Variants in ALDH5A1 observed in about 807,000 individuals in gnomAD.
ALDH5A1 encodes succinate-semialdehyde dehydrogenase, mitochondrial.
In ALDH5A1, 33 loss-of-function variants were observed where a neutral mutation model predicts 54.7. The observed-to-expected ratio is 0.60, with a 90% CI of 0.46 to 0.81. ALDH5A1 has a LOEUF of 0.81. Ranked by LOEUF, ALDH5A1 falls within the 30% of genes least tolerant of loss-of-function variation. The pLI is 0.00. For missense variants in ALDH5A1, 657 were observed against 711.0 expected, an observed-to-expected ratio of 0.92 and a Z score of 0.86; for synonymous variants, 294 against 292.7, an observed-to-expected ratio of 1.00 and a Z score of -0.05.
At position 24,533,617 on chromosome 6, in the gene ALDH5A1, G is replaced by T; in HGVS notation, c.1513G>T (p.Gly505Cys). ...GLISSVECPF[G>C]GVKQSGLGRE... Reference sequence around the variant, plus strand: ...AATTTCCTCTGTGGAGTGCCCTTTTGGTGGAGTGAAGCAGTCCGGCCTTGG... The same window carrying T: ...AATTTCCTCTGTGGAGTGCCCTTTTTGTGGAGTGAAGCAGTCCGGCCTTGG... Residue 505 changes from glycine to cysteine, a missense_variant, in exon 10 of 10, where the codon GGT becomes TGT. Transcript: ENST00000357578. The T allele has an allele frequency of 6.2e-7, 1 of 1,614,104 alleles. No individual in the cohort carries two copies. Among genetic ancestry groups the T allele is most frequent in the African/African-American group, 1.3e-5 (1 of 75,022 alleles).
intron 5 of ALDH5A1, among the ~76,000 whole-genome samples, chr6:24,516,254 G>A (rs1270136602): frequency 6.6e-6 from 1 of 151,646 alleles, no homozygotes; most frequent in Non-Finnish European, 1.5e-5. Context: ...GGCTAACACG[G>A]TGAAACCCCA....
At chr6:24,527,874 TTTA>T (rs1433287663) in intron 7 of ALDH5A1, 120 bp from the exon 8 acceptor site, 3 of 1,108,124 alleles carry the variant, frequency 2.7e-6, no homozygotes, top group Non-Finnish European at 4.0e-6. Context: ...ACCAGCATGC[TTTA>T]TTGTTAACCT....
intron 8 of ALDH5A1, among the ~76,000 whole-genome samples, chr6:24,529,932 A>T (rs1759896953): frequency 6.6e-6 from 1 of 152,108 alleles, no homozygotes; most frequent in Admixed American, 6.5e-5. Context: ...TCAGCATCCC[A>T]AAGGGCTGGG....
rs189158766 is a variant in ALDH5A1, at chr6:24,536,581, T to G, written c.*2869T>G. The G allele has an allele frequency of 5.9e-5, 9 of 152,384 alleles. No individual in the cohort carries two copies. The East Asian group carries it at 1.7e-3, about 29-fold the overall frequency. 9.4% of individuals were successfully genotyped at this position (152,384 alleles called of 1,614,324 possible). The stretch of plus-strand genomic sequence containing the variant: ...CTTACTTGCATTTATCCGGCATTAT[T>G]TCAACACCTCCTGTGAAGAAAGTAC... On this transcript the variant is annotated 3_prime_UTR_variant, in exon 10 of 10. Transcript: ENST00000357578.
At position 24,520,464 on chromosome 6, in the gene ALDH5A1, C is replaced by G. The variant is rs758281916; in HGVS notation, c.934C>G (p.Pro312Ala). 10 of 1,614,064 alleles carry G rather than the reference C, an allele frequency of 6.2e-6. No homozygotes were observed. The African/African-American group carries it at 1.3e-4, about 22-fold the overall frequency. ...CTCTATGGAGCTGGGCGGCCTTGCT[C>G]CATTTATAGTATTTGACAGTGCCAA... Reference protein sequence around the residue: ...RVSMELGGLAPFIVFDSANVD... With the variant: ...RVSMELGGLAAFIVFDSANVD... The change falls in exon 6 of 10, where the codon CCA becomes GCA. Residue 312 changes from proline to alanine, a missense_variant. This residue lies in a region of ALDH5A1 where 425 missense variants were observed against 516.4 expected (regional missense o/e 0.82). Transcript: ENST00000357578.
chr6:24,498,183 A>G (rs1764749374), intron 1 of ALDH5A1, among the ~76,000 whole-genome samples: 1 of 152,224 alleles, frequency 6.6e-6, no homozygotes, highest in South Asian at 2.1e-4. Context: ...TCAAGAGTTC[A>G]GTTTTAGACT....
chr6:24,504,157 C>CT (rs2127382679), intron 3 of ALDH5A1, among the ~76,000 whole-genome samples: 1 of 152,316 alleles, frequency 6.6e-6, no homozygotes, highest in African/African-American at 2.4e-5. Flanking sequence ...GGCCAAATTA[C>CT]TTAACTGCAC....
At chr6:24,529,262 G>A (rs1233787257) in intron 8 of ALDH5A1, among the ~76,000 whole-genome samples, 1 of 151,574 alleles carries the variant, frequency 6.6e-6, no homozygotes, top group Non-Finnish European at 1.5e-5. Flanking sequence ...CACCTCCTGG[G>A]TTCAAGCGAT....
At chr6:24,505,573 T>C (rs139715170) in intron 4 of ALDH5A1, among the ~76,000 whole-genome samples, 112 of 152,282 alleles carry the variant, frequency 7.4e-4, no homozygotes, top group African/African-American at 2.5e-3. Flanking sequence ...ACTTTCCCTC[T>C]GTCTGGAGCA....
chr6:24,502,162 A>G (rs977781410), intron 1 of ALDH5A1, among the ~76,000 whole-genome samples: 2 of 152,172 alleles, frequency 1.3e-5, no homozygotes, highest in Non-Finnish European at 2.9e-5. Flanking sequence ...GTGTCTGACA[A>G]CAGGAGGAAA....
chr6:24,496,260 G>GA (rs1209284278), intron 1 of ALDH5A1, among the ~76,000 whole-genome samples: 3 of 152,162 alleles, frequency 2.0e-5, no homozygotes, highest in African/African-American at 2.4e-5. Context: ...TGCCCTTATG[G>GA]AGCTCACATG....
chr6:24,515,611 A>G (rs151187157), intron 5 of ALDH5A1, among the ~76,000 whole-genome samples: 1 of 152,134 alleles, frequency 6.6e-6, no homozygotes, highest in African/African-American at 2.4e-5. Flanking sequence ...AATCCCAGGT[A>G]CCCAGGTGAC....
At chr6:24,532,041 A>G in intron 8 of ALDH5A1, 78 bp from the exon 9 acceptor site, 1 of 1,369,798 alleles carries the variant, frequency 7.3e-7, no homozygotes, top group Non-Finnish European at 1.0e-6. Context: ...TTATTTGGGA[A>G]ACAAATCAGA....
chr6:24,514,618 T>TA (rs1759525849), intron 4 of ALDH5A1, among the ~76,000 whole-genome samples: 1 of 151,914 alleles, frequency 6.6e-6, no homozygotes, highest in Non-Finnish European at 1.5e-5. Flanking sequence ...TAATCCCAGC[T>TA]ACTCGGAAGG....
intron 4 of ALDH5A1, among the ~76,000 whole-genome samples, chr6:24,506,314 C>T (rs1270319254): frequency 1.9e-4 from 22 of 116,914 alleles, no homozygotes; most frequent in Non-Finnish European, 8.0e-5. Context: ...AGTGCAGGGT[C>T]GCAATCTTGG....
chr6:24,504,115 T>A (rs1190145938), intron 3 of ALDH5A1, among the ~76,000 whole-genome samples: 1 of 152,206 alleles, frequency 6.6e-6, no homozygotes, highest in Admixed American at 6.5e-5. Flanking sequence ...AGGTTTGACT[T>A]GAAGGTCACT....
At chr6:24,512,976 C>T (rs1181852979) in intron 4 of ALDH5A1, among the ~76,000 whole-genome samples, 4 of 152,070 alleles carry the variant, frequency 2.6e-5, no homozygotes, top group Non-Finnish European at 5.9e-5. Context: ...AGGTGTGAGC[C>T]ACCGCACCTG....
At chr6:24,497,563 G>GCTAGCTACAGGGTGCTGATTGGTGTGTT (rs1554136011) in intron 1 of ALDH5A1, among the ~76,000 whole-genome samples, 1 of 152,142 alleles carries the variant, frequency 6.6e-6, no homozygotes, top group Non-Finnish European at 1.5e-5. Flanking sequence ...CAATCCTCTT[G>GCTAGCTACAGGGTGCTGATTGGTGTGTT]TAAGACAGAA....
chr6:24,508,472 C>T (rs1376051701), intron 4 of ALDH5A1, among the ~76,000 whole-genome samples: 1 of 151,056 alleles, frequency 6.6e-6, no homozygotes, highest in African/African-American at 2.4e-5. Flanking sequence ...GAGTAGTATT[C>T]CATCCTATGT....
Sources: gnomAD v4.1 joint callset for allele counts (sites outside exome capture counted in the v4.1 genomes callset) on GRCh38, gnomAD v4.1.1 for gene constraint, gnomAD v4.1.1 regional missense constraint, MANE v1.5 for transcripts, NCBI Gene and HGNC (gene_info 2026-07-23, HGNC 2026-07-21) for gene names.